TRABD2B: variants seen among roughly 807,000 people sequenced by gnomAD.
The protein encoded by TRABD2B is metalloprotease TIKI2.
A neutral mutation model predicts 40.1 loss-of-function variants in TRABD2B; 14 were observed. That is an observed-to-expected ratio of 0.35 (90% CI 0.23 to 0.55). The LOEUF is 0.55. Among genes scored for constraint, TRABD2B ranks in the 20% least tolerant of loss-of-function variants. The pLI is 0.90. For synonymous variants in TRABD2B, 263 were observed against 277.0 expected (o/e 0.95, Z 0.50); for missense variants, 541 against 648.6 (o/e 0.83, Z 1.80).
chr1:47,887,382 G>A (rs1644384626), intron 2 of TRABD2B, among the ~76,000 whole-genome samples: 2 of 151,896 alleles, frequency 1.3e-5, no homozygotes, highest in South Asian at 4.2e-4. Context: ...CTCAGTCTGT[G>A]GAGGATGCCC....
chr1:47,874,427 C>T lies in TRABD2B; in HGVS notation c.667-72808G>A, dbSNP rs868711988. Among the ~76,000 whole-genome samples, 737 of 148,150 alleles carry T rather than the reference C, an allele frequency of 5.0e-3. 1 individual carries two copies. Among genetic ancestry groups the T allele is most frequent in the African/African-American group, 0.017 (682 of 39,564 alleles). On this transcript the variant is annotated intron_variant, in intron 2 of 6. Transcript: ENST00000606738. ...AGCTGGGACTACAGGCGCCCGCCACCGCGCCCGGCTAATTTTTTGTATTTT... is the reference window on the plus strand; with the variant it reads ...AGCTGGGACTACAGGCGCCCGCCACTGCGCCCGGCTAATTTTTTGTATTTT...
Position 47,994,595 on chromosome 1 carries a change from C to G in TRABD2B, c.105G>C (p.Gln35His), listed in dbSNP as rs1200081479. ...TCCACAGGAAGGAGTTCAAGTCCCT[C>G]TGCTGCAGGAGTAGAGAAGAGGCAA... Reference protein sequence around the residue: ...DGGQCRPPGSQRDLNSFLWTI... With the variant: ...DGGQCRPPGSHRDLNSFLWTI... Residue 35 changes from glutamine to histidine, a missense_variant and splice_region_variant, in exon 2 of 7, where the codon CAG (glutamine) becomes CAC (histidine). This residue lies in a region of TRABD2B where 369 missense variants were observed against 492.8 expected (regional missense o/e 0.75). Coordinates refer to ENST00000606738, the MANE Select transcript of TRABD2B (RefSeq NM_001194986.2). The surrounding 1 kb of genome is among the most constrained non-coding windows in gnomAD (Gnocchi z 6.7). 1.0e-5 allele frequency: 16 copies of G among 1,533,582 alleles called. No individual in the cohort carries two copies. The highest frequency in any genetic ancestry group is 5.9e-5 in the Admixed American group (3 of 50,906). The allele number at this position is 1,533,582 out of a possible 1,614,324, so 95.0% of individuals were successfully genotyped here.
chr1:47,946,299 A>G (rs1645259318), intron 2 of TRABD2B, among the ~76,000 whole-genome samples: 1 of 152,102 alleles, frequency 6.6e-6, no homozygotes, highest in African/African-American at 2.4e-5. Context: ...TCTTTATCAG[A>G]TATGTAATTT....
intron 2 of TRABD2B, among the ~76,000 whole-genome samples, chr1:47,850,496 T>C (rs1645533114): frequency 6.6e-6 from 1 of 152,218 alleles, no homozygotes; most frequent in South Asian, 2.1e-4. Flanking sequence ...TGAACATTCA[T>C]AGGTGCTCTC....
At chr1:47,924,576 C>G (rs1287003700) in intron 2 of TRABD2B, among the ~76,000 whole-genome samples, 2 of 152,176 alleles carry the variant, frequency 1.3e-5, no homozygotes, top group Non-Finnish European at 2.9e-5. Context: ...CTAGTTCCCA[C>G]CTTCTCAGAC....
chr1:47,887,725 G>A (rs964723775), intron 2 of TRABD2B, among the ~76,000 whole-genome samples: 3 of 152,134 alleles, frequency 2.0e-5, no homozygotes, highest in Non-Finnish European at 2.9e-5. Context: ...TCCTATTAGC[G>A]CTGAAGAGCA....
intron 2 of TRABD2B, among the ~76,000 whole-genome samples, chr1:47,880,639 C>T (rs1287203829): frequency 6.6e-6 from 1 of 152,276 alleles, no homozygotes; most frequent in South Asian, 2.1e-4. Flanking sequence ...GGAGGCACAG[C>T]GTGTGCACAG....
chr1:47,935,021 A>T (rs1017470825), intron 2 of TRABD2B, among the ~76,000 whole-genome samples: 4 of 152,144 alleles, frequency 2.6e-5, no homozygotes, highest in Non-Finnish European at 5.9e-5. Flanking sequence ...ATTCCTACTC[A>T]TGCCTCAGGA....
intron 3 of TRABD2B, among the ~76,000 whole-genome samples, chr1:47,799,171 G>A (rs1218514205): frequency 6.6e-6 from 1 of 152,180 alleles, no homozygotes; most frequent in Non-Finnish European, 1.5e-5. Context: ...TCTCAGCTTA[G>A]GGTCAGCCAC....
intron 3 of TRABD2B, among the ~76,000 whole-genome samples, chr1:47,800,005 T>G (rs1375940249): frequency 1.1e-5 from 1 of 90,148 alleles, no homozygotes; most frequent in Admixed American, 1.2e-4. Flanking sequence ...TATAAACTAT[T>G]TCATTCCTTC....
chr1:47,770,661 G>A (rs1644366190), intron 6 of TRABD2B, among the ~76,000 whole-genome samples: 1 of 152,230 alleles, frequency 6.6e-6, no homozygotes, highest in South Asian at 2.1e-4. Flanking sequence ...GCACCACACT[G>A]GAAGCCATCT....
rs930496835 is a variant in TRABD2B, at chr1:47,775,422, G to A, written c.1097C>T (p.Pro366Leu). ...CGAGGTCCCCTCAGGAGAGGGCGCT[G>A]GGCTCTGGGGGGCAGGGCTGGAAAG... Reference protein sequence around the residue: ...QAIHSPAPQSPAPSPEGTSTS... With the variant: ...QAIHSPAPQSLAPSPEGTSTS... Residue 366 changes from proline to leucine, a missense_variant, in exon 6 of 7, where the codon CCA becomes CTA. Coordinates refer to ENST00000606738, the MANE Select transcript of TRABD2B (RefSeq NM_001194986.2). 17 of 1,234,920 alleles carry A rather than the reference G, an allele frequency of 1.4e-5. No individual in the cohort carries two copies. The highest frequency in any genetic ancestry group is 1.6e-5 in the Non-Finnish European group (16 of 988,532). The allele number at this position is 1,234,920 out of a possible 1,614,324, so 76.5% of individuals were successfully genotyped here. A position where few individuals can be genotyped will look rare whatever the true frequency, so the allele number is the denominator to read the frequency against.
At chr1:47,827,981 C>T (rs1645198454) in intron 2 of TRABD2B, among the ~76,000 whole-genome samples, 1 of 152,174 alleles carries the variant, frequency 6.6e-6, no homozygotes, top group Non-Finnish European at 1.5e-5. Flanking sequence ...GGGAGTCCAG[C>T]AAGGTCAGAA....
intron 2 of TRABD2B, among the ~76,000 whole-genome samples, chr1:47,837,780 T>C (rs548793441): frequency 1.3e-3 from 200 of 152,330 alleles, no homozygotes; most frequent in African/African-American, 4.6e-3. Context: ...AAAGGAAGAA[T>C]GTAGCCTGCT....
In TRABD2B at chr1:47,766,078, G is replaced by C. The variant is rs1644298668; in HGVS notation, c.1378C>G (p.Leu460Val). Residue 460 changes from leucine to valine, a missense_variant, in exon 7 of 7, where the codon CTG becomes GTG. By Grantham distance (32) the Leu-to-Val change is conservative. Around this residue, in one of 2 missense-constraint regions of TRABD2B, gnomAD observed 172 missense variants for 155.8 expected, o/e 1.10. Transcript: ENST00000606738. ...GTCCCCGAGCTGTGGGTGGGCTGCA[G>C]GGGCAGCGGGGGTGGTGAGGCGGTG... is the stretch of plus-strand genomic sequence containing the variant. ...STTASPPPLP[L>V]QPTHSSGTAK... 1.4e-6 allele frequency: 1 copy of C among 700,344 alleles called. No individual in the cohort carries two copies. The highest frequency in any genetic ancestry group is 2.6e-6 in the Non-Finnish European group (1 of 383,672). The allele number at this position is 700,344 out of a possible 1,614,324, so 43.4% of individuals were successfully genotyped here.
At chr1:47,938,239 G>A (rs570818644) in intron 2 of TRABD2B, among the ~76,000 whole-genome samples, 1 of 152,318 alleles carries the variant, frequency 6.6e-6, no homozygotes, top group African/African-American at 2.4e-5. Flanking sequence ...GTTCAACGCT[G>A]CAGGCACAGA....
chr1:47,925,351 G>A lies in TRABD2B; in HGVS notation c.666+68683C>T, dbSNP rs367805423. Among the ~76,000 whole-genome samples, 12 of 152,042 alleles carry A rather than the reference G, an allele frequency of 7.9e-5. No individual in the cohort carries two copies. In the East Asian group the frequency reaches 2.1e-3, roughly 27 times the overall value. On this transcript the variant is annotated intron_variant, in intron 2 of 6. Coordinates refer to ENST00000606738, the MANE Select transcript of TRABD2B (RefSeq NM_001194986.2). ...AATTAAATTGAAAAAAGAAAGCAAA[G>A]AACAAGGATATGAAAGAAGATTTTT...
At chr1:47,936,916 TCACCAC>T (rs1290414246) in intron 2 of TRABD2B, among the ~76,000 whole-genome samples, 1 of 145,774 alleles carries the variant, frequency 6.9e-6, no homozygotes, top group Non-Finnish European at 1.5e-5. Flanking sequence ...ATCATCACCA[TCACCAC>T]CACCATAATT....
At chr1:47,908,910 TC>T (rs1644713591) in intron 2 of TRABD2B, among the ~76,000 whole-genome samples, 1 of 152,220 alleles carries the variant, frequency 6.6e-6, no homozygotes, top group Non-Finnish European at 1.5e-5. Context: ...ATAGCGGACT[TC>T]CTTTACAGAG....
Sources: gnomAD v4.1 joint callset for allele counts (sites outside exome capture counted in the v4.1 genomes callset) on GRCh38, gnomAD v4.1.1 for gene constraint, gnomAD v4.1.1 regional missense constraint, Gnocchi (gnomAD v3.1) non-coding constraint, MANE v1.5 for transcripts, NCBI Gene and HGNC (gene_info 2026-07-23, HGNC 2026-07-21) for gene names.